The following TAOK3 variants were observed in gnomAD, a reference collection of about 807,000 sequenced individuals.
TAOK3 encodes the protein serine/threonine-protein kinase TAO3.
Under a neutral mutation model 120.4 loss-of-function variants are expected in TAOK3, and 40 were observed. That is an observed-to-expected ratio of 0.33 (90% CI 0.26 to 0.43). The LOEUF is 0.43. Ranked by LOEUF, TAOK3 falls within the 20% of genes least tolerant of loss-of-function variation. The pLI is 1.00. For synonymous variants in TAOK3, 355 were observed against 387.5 expected (o/e 0.92, Z 0.99); for missense variants, 821 against 1,112.1 (o/e 0.74, Z 3.72).
intron 1 of TAOK3, chr12:118,359,501 C>T (rs2045520007): frequency 1.3e-5 from 2 of 152,186 alleles, no homozygotes; most frequent in African/African-American, 4.8e-5. Flanking sequence ...AACCAATTTA[C>T]TTACAGGAGG....
At chr12:118,363,018 C>CAAAAAAAAAAAAAAAAAA (rs60475060) in intron 1 of TAOK3, among the ~76,000 whole-genome samples, 49 of 45,882 alleles carry the variant, frequency 1.1e-3, no homozygotes, top group Non-Finnish European at 1.2e-3. Context: ...GACTCCGTAT[C>CAAAAAAAAAAAAAAAAAA]AAAAAAAAAA....
At chr12:118,269,696 CAT>C (rs2041620767) in intron 1 of TAOK3, among the ~76,000 whole-genome samples, 1 of 152,070 alleles carries the variant, frequency 6.6e-6, no homozygotes. Flanking sequence ...TCTTAAAATG[CAT>C]GCATATTCTC....
Position 118,160,430 on chromosome 12 carries a change from T to C in TAOK3, c.2140-72A>G. 2.3e-6 allele frequency: 3 copies of C among 1,285,674 alleles called. No individual in the cohort carries two copies. Among genetic ancestry groups the C allele is most frequent in the Non-Finnish European group, 3.3e-6 (3 of 903,616 alleles). The allele number at this position is 1,285,674 out of a possible 1,614,324, so 79.6% of individuals were successfully genotyped here. A position where few individuals can be genotyped will look rare whatever the true frequency, so the allele number is the denominator to read the frequency against. ...TACAGAAAGCCTTCTACCATAATGA[T>C]ATAATACAAGTGCTGAGAGCGTCTG... On this transcript the variant is annotated intron_variant, in intron 18 of 20. Transcript: ENST00000392533. This position sits in a 1 kb window ranked among gnomAD's most constrained non-coding sequence, Gnocchi z 4.2.
intron 1 of TAOK3, among the ~76,000 whole-genome samples, chr12:118,339,255 A>G (rs2044500998): frequency 6.8e-6 from 1 of 146,604 alleles, no homozygotes; most frequent in Admixed American, 6.9e-5. Flanking sequence ...GTAAATGAAA[A>G]TTCTCCGTTC....
intron 1 of TAOK3, among the ~76,000 whole-genome samples, chr12:118,307,249 A>T (rs1593482196): frequency 6.6e-6 from 1 of 150,920 alleles, no homozygotes; most frequent in African/African-American, 2.4e-5. Context: ...GAGTCCTCAT[A>T]GTTTTCTCTT....
Position 118,238,160 on chromosome 12 carries a change from T to G in TAOK3, c.350A>C (p.Lys117Thr). 6.2e-7 allele frequency: 1 copy of G among 1,609,800 alleles called. No individual in the cohort carries two copies. Among genetic ancestry groups the G allele is most frequent in the African/African-American group, 1.3e-5 (1 of 74,852 alleles). ...AGCGATCTCCACTTCCTGAAGTGGT[T>G]TTTTATGAACTGAGGAAGGAAAAAA... ...SASDLLEVHK[K>T]PLQEVEIAAI... is the part of the protein sequence containing the mutation. Residue 117 changes from lysine to threonine, a missense_variant, in exon 7 of 21, where the codon AAA becomes ACA. Coordinates refer to ENST00000392533, the MANE Select transcript of TAOK3 (RefSeq NM_016281.4).
At chr12:118,272,927 G>A (rs2041770003) in intron 1 of TAOK3, among the ~76,000 whole-genome samples, 1 of 151,978 alleles carries the variant, frequency 6.6e-6, no homozygotes, top group African/African-American at 2.4e-5. Context: ...AGTGAGCCGA[G>A]ATTGTGCCAC....
chr12:118,359,494 C>A (rs1052588334), intron 1 of TAOK3: 1 of 152,128 alleles, frequency 6.6e-6, no homozygotes, highest in Non-Finnish European at 1.5e-5. Flanking sequence ...AGAAAAGAAC[C>A]AATTTACTTA....
At chr12:118,206,662 T>C (rs2038330789) in intron 11 of TAOK3, among the ~76,000 whole-genome samples, 1 of 152,034 alleles carries the variant, frequency 6.6e-6, no homozygotes, top group Non-Finnish European at 1.5e-5. Context: ...AGTGGCGCCA[T>C]CTCAGCTCAC....
At chr12:118,216,804 C>T (rs1387256247) in intron 9 of TAOK3, among the ~76,000 whole-genome samples, 1 of 151,942 alleles carries the variant, frequency 6.6e-6, no homozygotes, top group Admixed American at 6.6e-5. Flanking sequence ...TGGCGGGCAC[C>T]TGTAGTTCCA....
intron 17 of TAOK3, among the ~76,000 whole-genome samples, chr12:118,162,675 A>C (rs967542709): frequency 7.2e-5 from 11 of 152,102 alleles, no homozygotes; most frequent in African/African-American, 1.9e-4. Flanking sequence ...GGAAAAAAAA[A>C]CAGATGAGAT....
Position 118,286,895 on chromosome 12 carries a change from GAATT to G in TAOK3, c.-193-20140_-193-20137del, listed in dbSNP as rs1466257916. On this transcript the variant is annotated intron_variant, in intron 1 of 20. Coordinates refer to ENST00000392533, the MANE Select transcript of TAOK3 (RefSeq NM_016281.4). ...ATGGGATACTCTCAGCCATAAAAAG[GAATT>G]AATTAATGGCATTTGCAGTGACCTG... Among the ~76,000 whole-genome samples the G allele has an allele frequency of 7.9e-5, 12 of 152,174 alleles. No individual in the cohort carries two copies. In the East Asian group the frequency reaches 2.3e-3, roughly 29 times the overall value.
chr12:118,206,495 A>C (rs946053858), intron 11 of TAOK3, among the ~76,000 whole-genome samples: 1 of 152,142 alleles, frequency 6.6e-6, no homozygotes, highest in African/African-American at 2.4e-5. Flanking sequence ...TTCTAGGTAC[A>C]TTCTAGGTAA....
chr12:118,257,467 C>T (rs1051709365), intron 2 of TAOK3, among the ~76,000 whole-genome samples: 6 of 151,676 alleles, frequency 4.0e-5, no homozygotes, highest in African/African-American at 1.5e-4. Flanking sequence ...GAAATGTTAT[C>T]AATCATCTAT....
chr12:118,151,397 C>T (rs1214336669), intron 20 of TAOK3, among the ~76,000 whole-genome samples: 2 of 152,126 alleles, frequency 1.3e-5, no homozygotes, highest in East Asian at 3.9e-4. Flanking sequence ...AAAACTTGCT[C>T]ACAAGAATAT....
At chr12:118,334,647 G>A (rs1277825589) in intron 1 of TAOK3, among the ~76,000 whole-genome samples, 7 of 152,138 alleles carry the variant, frequency 4.6e-5, no homozygotes, top group African/African-American at 4.8e-5. Flanking sequence ...AGGCTGAGGT[G>A]GGCAGATCAT....
intron 1 of TAOK3, among the ~76,000 whole-genome samples, chr12:118,291,634 C>T (rs2042485592): frequency 6.6e-6 from 1 of 152,014 alleles, no homozygotes; most frequent in South Asian, 2.1e-4. Flanking sequence ...ATCCAAATGC[C>T]AATAATTTCA....
chr12:118,324,624 C>T (rs1281400260), intron 1 of TAOK3, among the ~76,000 whole-genome samples: 1 of 151,900 alleles, frequency 6.6e-6, no homozygotes, highest in Non-Finnish European at 1.5e-5. Context: ...ATTTTTAGTT[C>T]CCACATGAGC....
chr12:118,152,202 C>T (rs766212353), intron 20 of TAOK3, 25 bp downstream of exon 20: 51 of 1,599,140 alleles, frequency 3.2e-5, no homozygotes, highest in East Asian at 1.3e-4. Flanking sequence ...CCAGTGGCAC[C>T]GGACCCCTGG....
Sources: gnomAD v4.1 joint callset for allele counts (sites outside exome capture counted in the v4.1 genomes callset) on GRCh38, gnomAD v4.1.1 for gene constraint, Gnocchi (gnomAD v3.1) non-coding constraint, MANE v1.5 for transcripts, NCBI Gene and HGNC (gene_info 2026-07-23, HGNC 2026-07-21) for gene names.